EYA2: variants seen among roughly 807,000 people sequenced by gnomAD.
EYA2 encodes EYA transcriptional coactivator and phosphatase 2.
A neutral mutation model predicts 69.2 loss-of-function variants in EYA2; 31 were observed. The observed-to-expected ratio is 0.45, with a 90% CI of 0.34 to 0.60. The LOEUF (loss-of-function observed/expected upper bound fraction) is 0.60. Among genes scored for constraint, EYA2 ranks in the 20% least tolerant of loss-of-function variants. The pLI is 0.02. For missense variants in EYA2, 622 were observed against 701.2 expected, an observed-to-expected ratio of 0.89 and a Z score of 1.28; for synonymous variants, 257 against 279.4, an observed-to-expected ratio of 0.92 and a Z score of 0.80.
chr20:47,032,392 TA>T, intron 5 of EYA2, among the ~76,000 whole-genome samples: 1 of 152,354 alleles, frequency 6.6e-6, no homozygotes, highest in East Asian at 1.9e-4. Context: ...CACTGCTTTT[TA>T]TTTTTCATAC....
chr20:46,956,401 T>A (rs1359841062), intron 1 of EYA2, among the ~76,000 whole-genome samples: 1 of 152,212 alleles, frequency 6.6e-6, no homozygotes, highest in Non-Finnish European at 1.5e-5. Flanking sequence ...ACAGTCACAA[T>A]GGATCTCTCA....
chr20:46,986,183 A>T lies in EYA2; in HGVS notation c.-10-3818A>T, dbSNP rs925455898. Among the ~76,000 whole-genome samples the T allele has an allele frequency of 3.3e-5, 5 of 151,782 alleles. No individual in the cohort carries two copies. The East Asian group carries it at 9.6e-4, about 29-fold the overall frequency. ...GCCTCTATCCTGGAGTGCCTGTGGC[A>T]TTTGAGAAACAAGAAAACAGGCACC... On this transcript the variant is annotated intron_variant, in intron 1 of 15. Transcript: ENST00000327619.
At chr20:47,056,300 G>A (rs2030606067) in intron 5 of EYA2, among the ~76,000 whole-genome samples, 2 of 152,174 alleles carry the variant, frequency 1.3e-5, no homozygotes, top group African/African-American at 2.4e-5. Context: ...AGCTGAGAAC[G>A]CAACATGGGT....
chr20:47,148,597 A>G (rs914251195), intron 10 of EYA2, among the ~76,000 whole-genome samples: 2 of 152,198 alleles, frequency 1.3e-5, no homozygotes, highest in Non-Finnish European at 2.9e-5. Flanking sequence ...GTCCCAGCCA[A>G]CTGCTGCAGC....
intron 10 of EYA2, chr20:47,161,057 G>A (rs542425149): frequency 6.9e-5 from 20 of 288,456 alleles, no homozygotes; most frequent in African/African-American, 2.5e-4. Context: ...GTGCAGCTGC[G>A]GCGTAGCAGT....
intron 10 of EYA2, among the ~76,000 whole-genome samples, chr20:47,168,643 C>T (rs759953135): frequency 1.3e-5 from 2 of 152,088 alleles, no homozygotes; most frequent in Non-Finnish European, 2.9e-5. Context: ...GATCATGAGG[C>T]ACAGCAGGTG....
intron 2 of EYA2, among the ~76,000 whole-genome samples, chr20:46,993,943 T>C (rs1981852664): frequency 6.6e-6 from 1 of 152,224 alleles, no homozygotes; most frequent in African/African-American, 2.4e-5. Flanking sequence ...CAAAAAACTT[T>C]ACATATATTA....
chr20:47,087,007 T>TGAATTGAG (rs1182091498), intron 7 of EYA2, among the ~76,000 whole-genome samples: 20 of 152,276 alleles, frequency 1.3e-4, no homozygotes, highest in African/African-American at 4.1e-4. Flanking sequence ...CTCTTCAGCA[T>TGAATTGAG]CTGTGAATTG....
chr20:46,992,545 C>G (rs1981745912), intron 2 of EYA2, among the ~76,000 whole-genome samples: 1 of 152,162 alleles, frequency 6.6e-6, no homozygotes, highest in South Asian at 2.1e-4. Context: ...TTCCAGAGTT[C>G]CCACTTGTAA....
chr20:47,128,573 T>TC (rs2146572376), intron 9 of EYA2, among the ~76,000 whole-genome samples: 1 of 152,352 alleles, frequency 6.6e-6, no homozygotes, highest in East Asian at 1.9e-4. Flanking sequence ...AGCTTTTTTT[T>TC]CCTAATAAAT....
intron 1 of EYA2, among the ~76,000 whole-genome samples, chr20:46,920,122 C>T (rs1280334937): frequency 6.6e-6 from 1 of 151,668 alleles, no homozygotes; most frequent in African/African-American, 2.4e-5. Context: ...GATATAATAG[C>T]AATGAAAAAA....
chr20:46,989,411 A>T (rs866062589), intron 1 of EYA2, among the ~76,000 whole-genome samples: 1 of 152,158 alleles, frequency 6.6e-6, no homozygotes, highest in African/African-American at 2.4e-5. Flanking sequence ...GACTACAGGC[A>T]TACGCCACCA....
chr20:46,975,612 C>A (rs573499146), intron 1 of EYA2, among the ~76,000 whole-genome samples: 1 of 152,228 alleles, frequency 6.6e-6, no homozygotes, highest in African/African-American at 2.4e-5. Context: ...GTTTTACATG[C>A]GATCAAGAAT....
intron 7 of EYA2, among the ~76,000 whole-genome samples, chr20:47,079,637 C>T (rs1171155945): frequency 1.3e-5 from 2 of 152,178 alleles, no homozygotes; most frequent in African/African-American, 4.8e-5. Context: ...AGCATCATAG[C>T]AAAAGGCTGG....
intron 1 of EYA2, among the ~76,000 whole-genome samples, chr20:46,977,659 A>C (rs1568699018): frequency 6.6e-6 from 1 of 152,266 alleles, no homozygotes; most frequent in Non-Finnish European, 1.5e-5. Flanking sequence ...TGAATGAATC[A>C]GTGAATGGCT....
At chr20:47,035,181 G>T (rs1984628353) in intron 5 of EYA2, among the ~76,000 whole-genome samples, 2 of 152,148 alleles carry the variant, frequency 1.3e-5, no homozygotes, top group African/African-American at 4.8e-5. Context: ...CCCTGAGCTG[G>T]CTGGGCTTAG....
chr20:47,114,721 A>G (rs750601339), intron 9 of EYA2, among the ~76,000 whole-genome samples: 37 of 152,372 alleles, frequency 2.4e-4, no homozygotes, highest in South Asian at 6.2e-4. Flanking sequence ...CCCCAGTGCT[A>G]GAAGTGGGGC....
intron 4 of EYA2, among the ~76,000 whole-genome samples, chr20:47,015,814 T>C (rs533968585): frequency 1.3e-5 from 2 of 152,270 alleles, no homozygotes; most frequent in African/African-American, 4.8e-5. Context: ...GCAGATGGAA[T>C]GGAATCTATC....
intron 9 of EYA2, among the ~76,000 whole-genome samples, chr20:47,131,264 G>A (rs952784670): frequency 2.0e-4 from 31 of 152,138 alleles, no homozygotes; most frequent in African/African-American, 6.5e-4. Flanking sequence ...TGCATTAGAA[G>A]ACATTAATAT....
Sources: allele counts gnomAD v4.1 joint callset (sites outside exome capture counted in the v4.1 genomes callset), GRCh38; gene constraint gnomAD v4.1.1; transcripts MANE v1.5; gene names NCBI Gene and HGNC (gene_info 2026-07-23, HGNC 2026-07-21).